Variants in CCDC6 observed in about 807,000 individuals in gnomAD.
CCDC6 encodes the protein coiled-coil domain containing 6, also known as coiled-coil domain-containing protein 6.
In CCDC6, 20 loss-of-function variants were observed where a neutral mutation model predicts 56.6. The ratio of observed to expected loss-of-function variants is 0.35; its 90% CI spans 0.25 to 0.51. The LOEUF (loss-of-function observed/expected upper bound fraction) is 0.51, where lower values mean the gene tolerates loss of function less well. Ranked by LOEUF, CCDC6 falls within the 20% of genes least tolerant of loss-of-function variation. The pLI, the probability that CCDC6 is intolerant of heterozygous loss-of-function variation, is 0.95. For missense variants in CCDC6, 367 were observed against 601.1 expected (o/e 0.61, Z 4.07); for synonymous variants, 241 against 234.4 (o/e 1.03, Z -0.26).
intron 2 of CCDC6, among the ~76,000 whole-genome samples, chr10:59,840,468 G>A (rs1343762264): frequency 6.6e-6 from 1 of 152,032 alleles, no homozygotes; most frequent in Non-Finnish European, 1.5e-5. Context: ...CTTATGATAT[G>A]TCTCTGGTCC....
intron 1 of CCDC6, among the ~76,000 whole-genome samples, chr10:59,886,702 T>C (rs966669438): frequency 2.6e-5 from 4 of 152,012 alleles, no homozygotes; most frequent in Non-Finnish European, 5.9e-5. Context: ...CAAAAGACAA[T>C]TGACAGGTGG....
chr10:59,875,672 G>C (rs1274193627), intron 1 of CCDC6, among the ~76,000 whole-genome samples: 1 of 152,194 alleles, frequency 6.6e-6, no homozygotes, highest in East Asian at 1.9e-4. Context: ...GTTTGAGTTA[G>C]TGGTCTGCGC....
intron 1 of CCDC6, among the ~76,000 whole-genome samples, chr10:59,872,487 T>C (rs2071237950): frequency 6.6e-6 from 1 of 152,200 alleles, no homozygotes; most frequent in African/African-American, 2.4e-5. Flanking sequence ...TGCGAAGGTG[T>C]CCAGGGGTTG....
At chr10:59,829,390 C>T (rs1277684053) in intron 3 of CCDC6, among the ~76,000 whole-genome samples, 1 of 152,138 alleles carries the variant, frequency 6.6e-6, no homozygotes, top group Non-Finnish European at 1.5e-5. Flanking sequence ...AGGAGAGTTA[C>T]CATGTGACCC....
At chr10:59,836,227 T>C (rs1041006540) in intron 2 of CCDC6, among the ~76,000 whole-genome samples, 1 of 151,960 alleles carries the variant, frequency 6.6e-6, no homozygotes, top group Non-Finnish European at 1.5e-5. Context: ...CTAAGAAAAA[T>C]TCAGATATTC....
At chr10:59,844,746 CA>C (rs56232975) in intron 2 of CCDC6, among the ~76,000 whole-genome samples, 119 of 124,528 alleles carry the variant, frequency 9.6e-4, no homozygotes, top group Non-Finnish European at 1.0e-3. Context: ...AGACTATCTC[CA>C]AAAAAAAAAA....
intron 3 of CCDC6, among the ~76,000 whole-genome samples, chr10:59,818,585 C>T (rs927793966): frequency 4.0e-5 from 6 of 150,612 alleles, no homozygotes; most frequent in Non-Finnish European, 1.5e-5. Context: ...TCTCCAGATA[C>T]TCGAGTTTAC....
At chr10:59,880,479 A>G (rs1376313153) in intron 1 of CCDC6, among the ~76,000 whole-genome samples, 3 of 152,220 alleles carry the variant, frequency 2.0e-5, no homozygotes, top group East Asian at 3.8e-4. Context: ...GCAGAGTTCA[A>G]ACTCCACATA....
intron 1 of CCDC6, among the ~76,000 whole-genome samples, chr10:59,883,032 A>T (rs1229731986): frequency 2.0e-5 from 3 of 151,888 alleles, no homozygotes; most frequent in African/African-American, 4.8e-5. Flanking sequence ...TAACTGAAAA[A>T]AAAAGGTTTA....
At chr10:59,880,764 C>T (rs560628913) in intron 1 of CCDC6, among the ~76,000 whole-genome samples, 43 of 152,334 alleles carry the variant, frequency 2.8e-4, no homozygotes, top group Admixed American at 2.5e-3. Context: ...TCCTTAACCT[C>T]TCTGAGACAC....
intron 7 of CCDC6, among the ~76,000 whole-genome samples, chr10:59,796,331 T>G (rs2070518937): frequency 6.8e-6 from 1 of 147,018 alleles, no homozygotes; most frequent in African/African-American, 2.6e-5. Flanking sequence ...GTTGTTTTTT[T>G]CTTGTAAATT....
rs182130639 is a variant in CCDC6, at chr10:59,842,799, G to A, written c.453+9754C>T. Among the ~76,000 whole-genome samples, 322 of 146,688 alleles carry A rather than the reference G, an allele frequency of 2.2e-3. 2 individuals carry two copies. Among genetic ancestry groups the A allele is most frequent in the African/African-American group, 7.9e-3 (308 of 38,884 alleles). ...GACAGAGTTTTGCTCTGTCACCCAG[G>A]CTGGAGTGCAGTGGCGCAATCTCAG... is the stretch of plus-strand genomic sequence containing the variant. On this transcript the variant is annotated intron_variant, in intron 2 of 8. Transcript: ENST00000263102.
chr10:59,861,087 A>G (rs147620611), intron 1 of CCDC6, among the ~76,000 whole-genome samples: 5 of 152,276 alleles, frequency 3.3e-5, no homozygotes, highest in African/African-American at 9.6e-5. Context: ...TTGCAGGCAC[A>G]AGAACTGCTT....
chr10:59,802,261 T>C (rs1342202594), intron 7 of CCDC6, among the ~76,000 whole-genome samples: 1 of 152,214 alleles, frequency 6.6e-6, no homozygotes, highest in Non-Finnish European at 1.5e-5. Flanking sequence ...TGCCAATATT[T>C]CAACAAGTTA....
At chr10:59,825,699 T>A (rs2132639786) in intron 3 of CCDC6, among the ~76,000 whole-genome samples, 1 of 152,304 alleles carries the variant, frequency 6.6e-6, no homozygotes, top group South Asian at 2.1e-4. Context: ...ATGATGTCAG[T>A]TTGGTTATAT....
intron 2 of CCDC6, among the ~76,000 whole-genome samples, chr10:59,851,174 A>T (rs2071036464): frequency 6.6e-6 from 1 of 151,626 alleles, no homozygotes; most frequent in Non-Finnish European, 1.5e-5. Flanking sequence ...GCAGTGCCAA[A>T]AATTATGGCA....
intron 1 of CCDC6, among the ~76,000 whole-genome samples, chr10:59,885,422 C>T (rs544294582): frequency 6.6e-6 from 1 of 152,154 alleles, no homozygotes; most frequent in Admixed American, 6.5e-5. Context: ...CATGGTCCCC[C>T]GAATTTAAAA....
chr10:59,841,388 A>C (rs796349270), intron 2 of CCDC6, among the ~76,000 whole-genome samples: 13 of 152,320 alleles, frequency 8.5e-5, no homozygotes, highest in African/African-American at 3.1e-4. Context: ...CATGGCACTT[A>C]ATTCCTTCTC....
chr10:59,814,859 A>C (rs1174813853), intron 3 of CCDC6, 104 bp from the exon 4 acceptor site: 1 of 718,362 alleles, frequency 1.4e-6, no homozygotes, highest in Non-Finnish European at 2.4e-6. Flanking sequence ...AGAATACTGC[A>C]AACATGTGGC....
Sources: gnomAD v4.1 joint callset for allele counts (sites outside exome capture counted in the v4.1 genomes callset) on GRCh38, gnomAD v4.1.1 for gene constraint, MANE v1.5 for transcripts, NCBI Gene and HGNC (gene_info 2026-07-23, HGNC 2026-07-21) for gene names.